The following TMOD2 variants were observed in gnomAD, a reference collection of about 807,000 sequenced individuals.
TMOD2 encodes the protein tropomodulin-2.
TMOD2 carries 22 observed loss-of-function variants against 39.9 expected under a neutral mutation model. The observed-to-expected ratio is 0.55, with a 90% CI of 0.39 to 0.79. The LOEUF is 0.79. Among genes scored for constraint, TMOD2 ranks in the 30% least tolerant of loss-of-function variants. TMOD2 has a pLI of 0.00. For missense variants in TMOD2, 386 were observed against 413.3 expected (o/e 0.93, Z 0.57); for synonymous variants, 123 against 146.1 (o/e 0.84, Z 1.14).
intron 1 of TMOD2, among the ~76,000 whole-genome samples, chr15:51,757,124 G>C (rs1165844318): frequency 1.3e-5 from 2 of 152,206 alleles, no homozygotes; most frequent in Non-Finnish European, 1.5e-5. Context: ...AAAGAGGGCT[G>C]AGCGTGGTGG....
chr15:51,754,051 T>TG (rs1031787390), intron 1 of TMOD2, among the ~76,000 whole-genome samples: 33 of 149,406 alleles, frequency 2.2e-4, no homozygotes, highest in African/African-American at 4.2e-4. Flanking sequence ...GAGGTGTGAG[T>TG]GGGGGGGACG....
rs1430142341 is a variant in TMOD2, at chr15:51,798,396, G to A, written c.876+56G>A. ...ACTCACAGGGTGTGCAGTGAGCGGG[G>A]GAAATGCCACAAGGAATGAGTTAAA... is the stretch of plus-strand genomic sequence containing the variant. On this transcript the variant is annotated intron_variant, in intron 8 of 9. Coordinates refer to ENST00000249700, the MANE Select transcript of TMOD2 (RefSeq NM_014548.4). 39 of 1,577,760 alleles carry A rather than the reference G, an allele frequency of 2.5e-5. No individual in the cohort carries two copies. The South Asian group carries it at 4.2e-4, about 17-fold the overall frequency.
At chr15:51,760,514 C>T (rs1366861226) in intron 1 of TMOD2, among the ~76,000 whole-genome samples, 1 of 152,168 alleles carries the variant, frequency 6.6e-6, no homozygotes, top group Non-Finnish European at 1.5e-5. Context: ...TTTTTAAATC[C>T]TTAATCTGGG....
At chr15:51,775,243 G>T (rs1439525363) in intron 4 of TMOD2, among the ~76,000 whole-genome samples, 1 of 152,192 alleles carries the variant, frequency 6.6e-6, no homozygotes, top group Non-Finnish European at 1.5e-5. Context: ...TCTTACACTG[G>T]CTGGGTGTCA....
chr15:51,773,341 G>C (rs192851898), intron 3 of TMOD2, among the ~76,000 whole-genome samples: 2 of 152,352 alleles, frequency 1.3e-5, no homozygotes, highest in Admixed American at 1.3e-4. Flanking sequence ...CTGGAGGGGA[G>C]AGGTACAGCC....
intron 8 of TMOD2, among the ~76,000 whole-genome samples, chr15:51,798,568 T>G (rs1220306920): frequency 6.6e-6 from 1 of 152,226 alleles, no homozygotes; most frequent in Non-Finnish European, 1.5e-5. Context: ...AAGAGCCATC[T>G]ATCCCACAAC....
At position 51,792,099 on chromosome 15, in the gene TMOD2, T is replaced by G. The variant is rs568307192; in HGVS notation, c.733-6098T>G. ...AACCTACAGAATGGGAGAAAAAAAT[T>G]TGCAATCTATCCATCTGACAAAGGG... On this transcript the variant is annotated intron_variant, in intron 7 of 9. Transcript: ENST00000249700. Among the ~76,000 whole-genome samples the G allele has an allele frequency of 1.1e-3, 175 of 152,230 alleles. 2 individuals are homozygous for G. The highest frequency in any genetic ancestry group is 4.0e-3 in the African/African-American group (168 of 41,532).
At chr15:51,767,173 A>T (rs1044837166) in intron 2 of TMOD2, 1 of 152,058 alleles carries the variant, frequency 6.6e-6, no homozygotes, top group African/African-American at 2.4e-5. Flanking sequence ...TTATAGACAC[A>T]TGCCACCATG....
chr15:51,790,581 T>A (rs1474367597), intron 7 of TMOD2, among the ~76,000 whole-genome samples: 1 of 152,136 alleles, frequency 6.6e-6, no homozygotes. Context: ...CCAGTAATGA[T>A]GAACATTGAT....
intron 9 of TMOD2, among the ~76,000 whole-genome samples, chr15:51,807,200 G>A (rs923513777): frequency 6.6e-6 from 1 of 152,222 alleles, no homozygotes; most frequent in Non-Finnish European, 1.5e-5. Flanking sequence ...CAAGTGGTCA[G>A]TCAGTCAATA....
In TMOD2 at chr15:51,767,783, T is replaced by G. The variant is rs533476914; in HGVS notation, c.127-479T>G. On this transcript the variant is annotated intron_variant, in intron 2 of 9. Coordinates refer to ENST00000249700, the MANE Select transcript of TMOD2 (RefSeq NM_014548.4). ...AAAATACAGATATTCTGTTGTTGTTTTTTTAAATTAAGGAAGGAATCTGAA... is the reference window on the plus strand; with the variant it reads ...AAAATACAGATATTCTGTTGTTGTTGTTTTAAATTAAGGAAGGAATCTGAA... Among the ~76,000 whole-genome samples the G allele has an allele frequency of 8.5e-5, 13 of 152,370 alleles. 1 individual carries two copies. The highest frequency in any genetic ancestry group is 4.1e-4 in the South Asian group (2 of 4,830).
In TMOD2 at chr15:51,783,512, A is replaced by G. The variant is rs1225740726; in HGVS notation, c.732+684A>G. 2.0e-5 allele frequency: 3 copies of G among 152,132 alleles called. No homozygotes were observed. In the East Asian group the frequency reaches 5.8e-4, roughly 29 times the overall value. 9.4% of individuals were successfully genotyped at this position (152,132 alleles called of 1,614,324 possible). On this transcript the variant is annotated intron_variant, in intron 7 of 9. Coordinates refer to ENST00000249700, the MANE Select transcript of TMOD2 (RefSeq NM_014548.4). ...AAAAAGAAAAATTAAAGTATATTTTAATCTTTGAAATGGATTAATATGTGT... is the reference window on the plus strand; with the variant it reads ...AAAAAGAAAAATTAAAGTATATTTTGATCTTTGAAATGGATTAATATGTGT...
intron 4 of TMOD2, among the ~76,000 whole-genome samples, chr15:51,774,171 C>G (rs1056368760): frequency 6.6e-6 from 1 of 152,218 alleles, no homozygotes; most frequent in Non-Finnish European, 1.5e-5. Context: ...ATTTTATCAT[C>G]ACAACATTTC....
At chr15:51,800,933 G>A (rs1285506516) in intron 8 of TMOD2, among the ~76,000 whole-genome samples, 8 of 152,136 alleles carry the variant, frequency 5.3e-5, no homozygotes, top group Non-Finnish European at 1.2e-4. Flanking sequence ...TCAAACTCCT[G>A]GGTTCAAGCC....
In TMOD2 at chr15:51,795,098, T is replaced by A. The variant is rs965106822; in HGVS notation, c.733-3099T>A. Among the ~76,000 whole-genome samples, 5 of 152,192 alleles carry A rather than the reference T, an allele frequency of 3.3e-5. No individual in the cohort carries two copies. In the East Asian group the frequency reaches 7.7e-4, roughly 23 times the overall value. On this transcript the variant is annotated intron_variant, in intron 7 of 9. Coordinates refer to ENST00000249700, the MANE Select transcript of TMOD2 (RefSeq NM_014548.4). Reference sequence around the variant, plus strand: ...TTTAGTACTCTCTTTCCTCTTGGAATTCTGAAATTTCACTTGTCTGTTCAC... The same window carrying A: ...TTTAGTACTCTCTTTCCTCTTGGAAATCTGAAATTTCACTTGTCTGTTCAC...
intron 1 of TMOD2, among the ~76,000 whole-genome samples, chr15:51,753,968 C>T (rs1456559560): frequency 1.3e-5 from 2 of 151,874 alleles, no homozygotes; most frequent in Non-Finnish European, 2.9e-5. Context: ...GGGGGTGGTT[C>T]GTGACAAACA....
At chr15:51,753,950 T>G (rs908273121) in intron 1 of TMOD2, among the ~76,000 whole-genome samples, 1 of 152,096 alleles carries the variant, frequency 6.6e-6, no homozygotes, top group Admixed American at 6.5e-5. Flanking sequence ...GAAAGTGTTG[T>G]AGAAGACGGG....
At chr15:51,778,517 A>AAG (rs2055906027) in intron 5 of TMOD2, among the ~76,000 whole-genome samples, 1 of 150,504 alleles carries the variant, frequency 6.6e-6, no homozygotes, top group Admixed American at 6.6e-5. Flanking sequence ...TAAAAAAAAA[A>AAG]AAAGAAAGAA....
chr15:51,757,066 C>T (rs2055746751), intron 1 of TMOD2, among the ~76,000 whole-genome samples: 1 of 152,090 alleles, frequency 6.6e-6, no homozygotes. Context: ...CAAATCGGTG[C>T]ACTAATTGTT....
Sources: allele counts gnomAD v4.1 joint callset (sites outside exome capture counted in the v4.1 genomes callset), GRCh38; gene constraint gnomAD v4.1.1; transcripts MANE v1.5; gene names NCBI Gene and HGNC (gene_info 2026-07-23, HGNC 2026-07-21).